Variants in CFAP44 observed in about 807,000 individuals in gnomAD.
CFAP44 encodes the protein cilia- and flagella-associated protein 44.
In CFAP44, 134 loss-of-function variants were observed where a neutral mutation model predicts 216.2. The observed-to-expected ratio is 0.62, with a 90% CI of 0.54 to 0.72. The LOEUF (loss-of-function observed/expected upper bound fraction) is 0.72, where lower values mean the gene tolerates loss of function less well. CFAP44 is among the 30% of genes least tolerant of loss of function. The probability of loss-of-function intolerance (pLI) is 0.00; values close to 1 mark genes in which losing one functional copy is unlikely to be tolerated. For missense variants in CFAP44, 2,035 were observed against 2,182.1 expected, an observed-to-expected ratio of 0.93 and a Z score of 1.34; for synonymous variants, 700 against 727.6, an observed-to-expected ratio of 0.96 and a Z score of 0.61.
At chr3:113,385,968 CTA>C (rs148499027) in intron 15 of CFAP44, among the ~76,000 whole-genome samples, 3,815 of 152,016 alleles carry the variant, frequency 0.025, 60 homozygotes, top group East Asian at 0.052. Context: ...GATTTTCGAT[CTA>C]TATGTTTTAT....
chr3:113,350,176 A>G (rs1559919721), intron 22 of CFAP44, among the ~76,000 whole-genome samples: 3 of 150,082 alleles, frequency 2.0e-5, no homozygotes, highest in African/African-American at 2.5e-5. Flanking sequence ...GCAGAGAGGA[A>G]AGAGAGAGAG....
intron 6 of CFAP44, among the ~76,000 whole-genome samples, chr3:113,409,552 T>C (rs1330096193): frequency 6.6e-6 from 1 of 152,098 alleles, no homozygotes; most frequent in African/African-American, 2.4e-5. Context: ...AAAAACACTT[T>C]GAGAACATAT....
chr3:113,429,415 T>C (rs932702202), intron 2 of CFAP44, among the ~76,000 whole-genome samples: 11 of 152,162 alleles, frequency 7.2e-5, no homozygotes, highest in African/African-American at 2.7e-4. Flanking sequence ...GTCTATTTTA[T>C]CTGGTATTAA....
At position 113,306,233 on chromosome 3, in the gene CFAP44, G is replaced by A; in HGVS notation, c.4726C>T (p.Leu1576Phe). ...GACAATGTATCATATTCCTTTTTGAGGTTATCAACAATTTTCTTTTCTTCA... is the reference window on the plus strand; with the variant it reads ...GACAATGTATCATATTCCTTTTTGAAGTTATCAACAATTTTCTTTTCTTCA... ...LVEEKKIVDNLKKEYDTLSKK... is the reference protein window; with the variant it reads ...LVEEKKIVDNFKKEYDTLSKK... Residue 1576 changes from leucine to phenylalanine, a missense_variant, in exon 30 of 35, where the codon CTC (leucine) becomes TTC (phenylalanine). Leu to Phe is a conservative substitution (Grantham distance 22). This residue lies in a region of CFAP44 where 1,883 missense variants were observed against 2,023.7 expected (regional missense o/e 0.93). Coordinates refer to ENST00000393845, the MANE Select transcript of CFAP44 (RefSeq NM_001164496.2). 1 of 1,536,544 alleles carries A rather than the reference G, an allele frequency of 6.5e-7. No individual in the cohort carries two copies. The highest frequency in any genetic ancestry group is 8.7e-7 in the Non-Finnish European group (1 of 1,146,552).
At chr3:113,373,305 C>T in intron 18 of CFAP44, 106 bp downstream of exon 18, 3 of 1,102,074 alleles carry the variant, frequency 2.7e-6, no homozygotes, top group Non-Finnish European at 3.6e-6. Context: ...TTTTGAGTAC[C>T]CCTTCATTTG....
chr3:113,378,499 A>G (rs1933414424), intron 17 of CFAP44, among the ~76,000 whole-genome samples: 1 of 152,170 alleles, frequency 6.6e-6, no homozygotes, highest in African/African-American at 2.4e-5. Context: ...CCTTACAGCA[A>G]TAGTCCTTGG....
rs1050728054 is a variant in CFAP44 at position 113,291,454 on chromosome 3, G to C, written c.*103C>G. ...ACTGGATCTGGTTTTACACTTTCAG[G>C]CGAGTTCAGTTTAAAGTAATAAGAT... On this transcript the variant is annotated 3_prime_UTR_variant, in exon 35 of 35. Coordinates refer to ENST00000393845, the MANE Select transcript of CFAP44 (RefSeq NM_001164496.2). 2.3e-5 allele frequency: 30 copies of C among 1,328,732 alleles called. No homozygotes were observed. The highest frequency in any genetic ancestry group is 3.8e-4 in the Middle Eastern group (2 of 5,270). 82.3% of individuals were successfully genotyped at this position (1,328,732 alleles called of 1,614,324 possible).
chr3:113,426,738 C>G, intron 3 of CFAP44: 1 of 196,994 alleles, frequency 5.1e-6, no homozygotes, highest in African/African-American at 2.4e-5. Flanking sequence ...ATGTACACAG[C>G]CTGCAATACT....
intron 8 of CFAP44, among the ~76,000 whole-genome samples, chr3:113,405,429 T>C (rs1365533613): frequency 6.6e-6 from 1 of 152,242 alleles, no homozygotes; most frequent in Non-Finnish European, 1.5e-5. Flanking sequence ...CAGCAACAGC[T>C]TCTGTTCTAG....
At chr3:113,430,353 C>T (rs1028941553) in intron 2 of CFAP44, among the ~76,000 whole-genome samples, 3 of 140,562 alleles carry the variant, frequency 2.1e-5, no homozygotes, top group Non-Finnish European at 3.0e-5. Flanking sequence ...GCTTTCAATA[C>T]ATATGTAAGA....
chr3:113,379,271 A>G (rs1408762078), intron 17 of CFAP44, 35 bp downstream of exon 17: 21 of 1,425,862 alleles, frequency 1.5e-5, no homozygotes, highest in Non-Finnish European at 1.9e-5. Context: ...ATATTGAAAT[A>G]TGATTGAGGT....
chr3:113,428,997 T>C (rs1935033855), intron 2 of CFAP44: 1 of 152,086 alleles, frequency 6.6e-6, no homozygotes, highest in Admixed American at 6.6e-5. Context: ...CTCTACCTTT[T>C]CCATGAGATT....
chr3:113,420,251 A>G, intron 4 of CFAP44, 72 bp from the exon 5 acceptor site: 1 of 1,421,776 alleles, frequency 7.0e-7, no homozygotes, highest in Non-Finnish European at 9.3e-7. Context: ...TGATGAAATA[A>G]ATTTTTAAAT....
intron 12 of CFAP44, 72 bp from the exon 13 acceptor site, chr3:113,400,072 A>G (rs751870967): frequency 2.4e-5 from 23 of 964,024 alleles, no homozygotes; most frequent in Non-Finnish European, 3.1e-5. Context: ...CACTTTTTAC[A>G]TGTTGAATAT....
intron 1 of CFAP44, among the ~76,000 whole-genome samples, chr3:113,436,228 G>A (rs1009929829): frequency 3.4e-5 from 5 of 149,110 alleles, no homozygotes; most frequent in Admixed American, 6.6e-5. Context: ...ACTCTACAGT[G>A]AGTAACTGTT....
At chr3:113,400,059 G>T in intron 12 of CFAP44, 59 bp from the exon 13 acceptor site, 1 of 1,172,546 alleles carries the variant, frequency 8.5e-7, no homozygotes, top group Non-Finnish European at 1.2e-6. Context: ...TTAAGTCTTG[G>T]CTCACTTTTT....
rs1015599574 is a variant in CFAP44 at position 113,344,633 on chromosome 3, C to A, written c.3145G>T (p.Val1049Leu). Residue 1049 changes from valine to leucine, a missense_variant, in exon 23 of 35, where the codon GTG (valine) becomes TTG (leucine). Val to Leu is a conservative substitution (Grantham distance 32, BLOSUM62 1). This residue lies in a region of CFAP44 where 1,883 missense variants were observed against 2,023.7 expected (regional missense o/e 0.93). Transcript: ENST00000393845. The stretch of plus-strand genomic sequence containing the variant: ...AATTTGGAGTACTTAGAGGGCTGCA[C>A]CAGCCTGTAAGAGGATATCTTGTGG... Reference protein sequence around the residue: ...SDHKISSYRLVQPSKYSKFKR... With the variant: ...SDHKISSYRLLQPSKYSKFKR... 6.5e-7 allele frequency: 1 copy of A among 1,537,008 alleles called. No individual in the cohort carries two copies. Among genetic ancestry groups the A allele is most frequent in the Non-Finnish European group, 8.7e-7 (1 of 1,146,822 alleles).
chr3:113,376,795 A>T (rs1401409344), intron 17 of CFAP44, among the ~76,000 whole-genome samples: 2 of 152,212 alleles, frequency 1.3e-5, no homozygotes, highest in African/African-American at 4.8e-5. Flanking sequence ...GGAAAAGGAA[A>T]GAGAGGTTCA....
At position 113,427,300 on chromosome 3, in the gene CFAP44, G is replaced by A. The variant is rs1405572017; in HGVS notation, c.140C>T (p.Thr47Ile). The A allele has an allele frequency of 6.2e-7, 1 of 1,611,634 alleles. No individual in the cohort carries two copies. The highest frequency in any genetic ancestry group is 2.2e-5 in the East Asian group (1 of 44,768). ...QEDNTFLEDD[T>I]DETFTKGEGS... ...TTCCCCTTTGGTAAATGTTTCATCT[G>A]TGTCATCTTCTAAAAATGTGTTATC... The change falls in exon 3 of 35, where the codon ACA (threonine) becomes ATA (isoleucine). Residue 47 changes from threonine (T) to isoleucine (I), a missense_variant. Thr to Ile is a moderately conservative substitution (Grantham distance 89). This residue lies in a region of CFAP44 where 149 missense variants were observed against 141.8 expected (regional missense o/e 1.05). Transcript: ENST00000393845.
Sources: allele counts gnomAD v4.1 joint callset (sites outside exome capture counted in the v4.1 genomes callset), GRCh38; gene constraint gnomAD v4.1.1; regional missense constraint gnomAD v4.1.1; transcripts MANE v1.5; gene names NCBI Gene and HGNC (gene_info 2026-07-23, HGNC 2026-07-21).